ITGAE: variants seen among roughly 807,000 people sequenced by gnomAD.
The protein encoded by ITGAE is integrin subunit alpha E.
A neutral mutation model predicts 136.5 loss-of-function variants in ITGAE; 99 were observed. The ratio of observed to expected loss-of-function variants is 0.73; its 90% confidence interval spans 0.62 to 0.86. The LOEUF is 0.86. Among genes scored for constraint, ITGAE ranks in the 40% least tolerant of loss-of-function variants. The pLI is 0.00. For synonymous variants in ITGAE, 613 were observed against 591.8 expected (o/e 1.04, Z -0.52); for missense variants, 1,447 against 1,515.3 (o/e 0.95, Z 0.75).
rs573748889 is a variant in ITGAE at position 3,743,778 on chromosome 17, C to T, written c.2320-161G>A. ...AGTGCAGTGGCGTGATCTCGGCTCACTGCAACCTCCGCCTCCCGGGTTCAA... is the reference window on the plus strand; with the variant it reads ...AGTGCAGTGGCGTGATCTCGGCTCATTGCAACCTCCGCCTCCCGGGTTCAA... On this transcript the variant is annotated intron_variant, in intron 18 of 30. Coordinates refer to ENST00000263087, the MANE Select transcript of ITGAE (RefSeq NM_002208.5). Among the ~76,000 whole-genome samples, 54 of 147,090 alleles carry T rather than the reference C, an allele frequency of 3.7e-4. No individual in the cohort carries two copies. The East Asian group carries it at 0.01, about 27-fold the overall frequency.
chr17:3,714,820 A>C lies in ITGAE; in HGVS notation c.*27T>G. The C allele has an allele frequency of 7.3e-7, 1 of 1,379,016 alleles. No individual in the cohort carries two copies. Among genetic ancestry groups the C allele is most frequent in the South Asian group, 1.2e-5 (1 of 85,656 alleles). The allele number at this position is 1,379,016 out of a possible 1,614,324, so 85.4% of individuals were successfully genotyped here. ...GGTCTCCAAGTCCCAGGACTGGCTGATAGCCTCTCCCAGTGGATAGCAGGT... is the reference window on the plus strand; with the variant it reads ...GGTCTCCAAGTCCCAGGACTGGCTGCTAGCCTCTCCCAGTGGATAGCAGGT... On this transcript the variant is annotated 3_prime_UTR_variant, in exon 31 of 31. Coordinates refer to ENST00000263087, the MANE Select transcript of ITGAE (RefSeq NM_002208.5).
At chr17:3,743,671 A>C in intron 18 of ITGAE, 54 bp from the exon 19 acceptor site, 1 of 1,544,780 alleles carries the variant, frequency 6.5e-7, no homozygotes, top group Non-Finnish European at 8.7e-7. Context: ...GGAGAAGATG[A>C]CAACAATAAT....
At chr17:3,788,548 C>A (rs749064623) in intron 1 of ITGAE, among the ~76,000 whole-genome samples, 3 of 148,932 alleles carry the variant, frequency 2.0e-5, no homozygotes, top group African/African-American at 7.4e-5. Context: ...GATCCTCCCA[C>A]CTTGGGCTCC....
chr17:3,795,322 A>G (rs2053038787), intron 1 of ITGAE, among the ~76,000 whole-genome samples: 1 of 152,178 alleles, frequency 6.6e-6, no homozygotes, highest in African/African-American at 2.4e-5. Context: ...GGCCAGGCCC[A>G]CCCAAAAAAG....
At position 3,757,847 on chromosome 17, in the gene ITGAE, G is replaced by A; in HGVS notation, c.879C>T (p.Phe293=). The change falls in exon 9 of 31, where the codon TTC becomes TTT. Residue 293 remains phenylalanine, a synonymous_variant. Transcript: ENST00000263087. ...TTCTCCTGGAGCCGTGGCTTGAGGT[G>A]AAGATGCTGTCTCTAAGCAGGGGAG... The part of the protein sequence containing the change: ...SAMQHVLDSI[F]TSSHGSRRKA... 3 of 1,614,174 alleles carry A rather than the reference G, an allele frequency of 1.9e-6. No homozygotes were observed. Among genetic ancestry groups the A allele is most frequent in the Non-Finnish European group, 2.5e-6 (3 of 1,180,030 alleles).
At chr17:3,782,131 C>T (rs377305246) in intron 1 of ITGAE, among the ~76,000 whole-genome samples, 126 of 151,480 alleles carry the variant, frequency 8.3e-4, no homozygotes, top group African/African-American at 1.6e-3. Flanking sequence ...AAAAATTAGC[C>T]GGGCATGGTG....
intron 26 of ITGAE, chr17:3,724,956 A>G: frequency 6.2e-7 from 1 of 1,614,152 alleles, no homozygotes; most frequent in Non-Finnish European, 8.5e-7. Context: ...CCGGAAGAGC[A>G]AACATCAGGA....
chr17:3,779,930 A>G (rs2052624927), intron 1 of ITGAE, among the ~76,000 whole-genome samples: 1 of 152,136 alleles, frequency 6.6e-6, no homozygotes, highest in Non-Finnish European at 1.5e-5. Context: ...CTGTGAAGAC[A>G]TTTTCATCCT....
intron 28 of ITGAE, chr17:3,721,759 C>T (rs571327494): frequency 2.6e-5 from 4 of 152,224 alleles, no homozygotes; most frequent in South Asian, 2.1e-4. Context: ...GAAAATAACA[C>T]GTGTGGCCGG....
intron 2 of ITGAE, among the ~76,000 whole-genome samples, 181 bp downstream of exon 2, chr17:3,777,358 GC>G (rs1440371122): frequency 5.9e-5 from 9 of 152,354 alleles, no homozygotes; most frequent in Admixed American, 5.9e-4. Flanking sequence ...CCACAGACCA[GC>G]CCGATGCCCA....
chr17:3,744,026 A>T (rs1214398808), intron 18 of ITGAE, among the ~76,000 whole-genome samples: 2 of 148,428 alleles, frequency 1.3e-5, no homozygotes, highest in African/African-American at 2.5e-5. Flanking sequence ...TTTTTTTTTA[A>T]GATAAGGTCT....
At chr17:3,764,744 C>T (rs1458400840) in intron 2 of ITGAE, among the ~76,000 whole-genome samples, 1 of 152,110 alleles carries the variant, frequency 6.6e-6, no homozygotes, top group Non-Finnish European at 1.5e-5. Flanking sequence ...GGGTGGCTGC[C>T]TCAGCCTGAT....
At chr17:3,753,225 A>G (rs1214547698) in intron 14 of ITGAE, 65 bp downstream of exon 14, 1 of 1,551,400 alleles carries the variant, frequency 6.4e-7, no homozygotes, top group Non-Finnish European at 8.8e-7. Flanking sequence ...CCCAGCCTCC[A>G]TCACCTCTGT....
intron 8 of ITGAE, among the ~76,000 whole-genome samples, chr17:3,759,079 C>G (rs1360749022): frequency 6.7e-6 from 1 of 148,218 alleles, no homozygotes; most frequent in Admixed American, 6.8e-5. Flanking sequence ...GAGCTGAGAT[C>G]GTGCCACTGC....
chr17:3,716,360 T>G (rs2050944028), intron 30 of ITGAE, among the ~76,000 whole-genome samples: 1 of 152,160 alleles, frequency 6.6e-6, no homozygotes, highest in Admixed American at 6.6e-5. Context: ...CCAAGTAAGT[T>G]ATAAATGCTG....
intron 2 of ITGAE, among the ~76,000 whole-genome samples, chr17:3,767,175 C>T (rs12950503): frequency 0.11 from 16,833 of 151,860 alleles, 1,077 homozygotes; most frequent in East Asian, 0.17. Flanking sequence ...CGGCTCACTG[C>T]AACCTCCACC....
intron 22 of ITGAE, among the ~76,000 whole-genome samples, chr17:3,732,119 A>G (rs943880480): frequency 6.6e-6 from 1 of 152,052 alleles, no homozygotes; most frequent in African/African-American, 2.4e-5. Flanking sequence ...CACGCCCTCC[A>G]TACTACCCAC....
At chr17:3,774,491 C>T (rs781704674) in intron 2 of ITGAE, among the ~76,000 whole-genome samples, 9 of 152,126 alleles carry the variant, frequency 5.9e-5, no homozygotes, top group Non-Finnish European at 1.3e-4. Flanking sequence ...GGGCCAGGTG[C>T]GGTGGCTCAT....
Position 3,757,134 on chromosome 17 carries a change from C to T in ITGAE, c.1021G>A (p.Val341Met), listed in dbSNP as rs2052046933. The T allele has an allele frequency of 6.2e-7, 1 of 1,613,786 alleles. No homozygotes were observed. Among genetic ancestry groups the T allele is most frequent in the Non-Finnish European group, 8.5e-7 (1 of 1,179,814 alleles). ...MQGVERFAIG[V>M]GEEFKSARTA... The stretch of plus-strand genomic sequence containing the variant: ...CTAGCACTCTTAAATTCTTCTCCCA[C>T]CTGCACAGACAGCCTGGGTCAGCGA... The change falls in exon 10 of 31, where the codon GTG becomes ATG. Residue 341 changes from valine (V) to methionine (M), a missense_variant and splice_region_variant. Coordinates refer to ENST00000263087, the MANE Select transcript of ITGAE (RefSeq NM_002208.5).
Sources: allele counts gnomAD v4.1 joint callset (sites outside exome capture counted in the v4.1 genomes callset), GRCh38; gene constraint gnomAD v4.1.1; transcripts MANE v1.5; gene names NCBI Gene and HGNC (gene_info 2026-07-23, HGNC 2026-07-21).